SLC8A1: variants seen among roughly 807,000 people sequenced by gnomAD.
The protein encoded by SLC8A1 is sodium/calcium exchanger 1.
A neutral mutation model predicts 68.3 loss-of-function variants in SLC8A1; 18 were observed. That is an observed-to-expected ratio of 0.26 (90% CI 0.18 to 0.39). SLC8A1 has a LOEUF of 0.39. Among genes scored for constraint, SLC8A1 ranks in the 10% least tolerant of loss-of-function variants. The pLI is 1.00. For synonymous variants in SLC8A1, 475 were observed against 415.5 expected (o/e 1.14, Z -1.74); for missense variants, 985 against 1,156.7 (o/e 0.85, Z 2.15).
At chr2:40,454,923 A>T (rs1014767517), upstream of SLC8A1, among the ~76,000 whole-genome samples, 24 of 152,196 alleles carry the variant, frequency 1.6e-4, no homozygotes, top group African/African-American at 5.5e-4. Context: ...GAAAGAAGAC[A>T]TGTTGAATGG....
At chr2:40,465,980 T>C (rs1353316002) in intron 1 of SLC8A1, among the ~76,000 whole-genome samples, 1 of 152,132 alleles carries the variant, frequency 6.6e-6, no homozygotes, top group Non-Finnish European at 1.5e-5. Flanking sequence ...CTTGCCCTCC[T>C]GGCTTCTGCT....
At chr2:40,098,031 G>A (rs1002285194) in exon 8 of SLC8A1, 1 of 151,902 alleles carries the variant, frequency 6.6e-6, no homozygotes, top group Admixed American at 6.6e-5. Context: ...AACAGGCAGT[G>A]TAAATCACAT....
chr2:40,394,692 G>C (rs1262789341), intron 2 of SLC8A1, among the ~76,000 whole-genome samples: 1 of 151,902 alleles, frequency 6.6e-6, no homozygotes, highest in Non-Finnish European at 1.5e-5. Context: ...AACATGTATA[G>C]AGTGCCTGTT....
intron 2 of SLC8A1, among the ~76,000 whole-genome samples, chr2:40,249,572 A>G (rs1379248441): frequency 1.3e-5 from 2 of 152,228 alleles, no homozygotes; most frequent in Non-Finnish European, 2.9e-5. Flanking sequence ...TTCACACCAT[A>G]TTTAGAAGCA....
At chr2:40,384,100 T>A (rs565872351) in intron 2 of SLC8A1, among the ~76,000 whole-genome samples, 10,305 of 147,990 alleles carry the variant, frequency 0.07, 1,177 homozygotes, top group African/African-American at 0.24. Flanking sequence ...ATCTCTACAG[T>A]TTTTTTTTTT....
In SLC8A1 at chr2:40,166,189, C is replaced by A. The variant is rs142337622; in HGVS notation, c.1931-1205G>T. 9.9e-5 allele frequency among the ~76,000 whole-genome samples: 15 copies of A among 152,252 alleles called. No individual in the cohort carries two copies. In the South Asian group the frequency reaches 1.4e-3, roughly 15 times the overall value. On this transcript the variant is annotated intron_variant, in intron 4 of 7. Coordinates refer to ENST00000406785, the Ensembl canonical transcript of SLC8A1. ...ACCTCCAAAGACCCATGGCCTCCCC[C>A]CTGCTGAGGGACCACGCTATGGTGG...
intron 2 of SLC8A1, among the ~76,000 whole-genome samples, chr2:40,280,360 A>G (rs1462830123): frequency 4.6e-5 from 7 of 152,170 alleles, no homozygotes; most frequent in Non-Finnish European, 1.0e-4. Context: ...GAAAAGTAAC[A>G]AAAACCCATT....
intron 2 of SLC8A1, among the ~76,000 whole-genome samples, chr2:40,198,860 G>A (rs2053590933): frequency 1.3e-5 from 2 of 151,540 alleles, no homozygotes; most frequent in Non-Finnish European, 2.9e-5. Flanking sequence ...GCTGATACAG[G>A]GTTGAAGGGT....
At chr2:40,328,134 A>G (rs1385193351) in intron 2 of SLC8A1, among the ~76,000 whole-genome samples, 3 of 152,138 alleles carry the variant, frequency 2.0e-5, no homozygotes, top group African/African-American at 7.2e-5. Context: ...TGAGGTTTGG[A>G]TGAGTTGAGG....
chr2:40,113,956 T>C (rs1037521391), exon 8 of SLC8A1: 1 of 152,778 alleles, frequency 6.5e-6, no homozygotes, highest in Admixed American at 6.5e-5. Flanking sequence ...TAGAAATGAA[T>C]GTGCAGAACC....
rs537855794 is a variant in SLC8A1 at position 40,294,034 on chromosome 2, G to C, written c.1809-116179C>G. Among the ~76,000 whole-genome samples, 4 of 152,210 alleles carry C rather than the reference G, an allele frequency of 2.6e-5. No homozygotes were observed. In the South Asian group the frequency reaches 8.3e-4, roughly 32 times the overall value. On this transcript the variant is annotated intron_variant, in intron 2 of 7. Transcript: ENST00000406785. ...AGTTTAAAGTTTTCAATAAAGCTAT[G>C]AATGGTAAGAGGGAAACCAACTAGA...
intron 2 of SLC8A1, among the ~76,000 whole-genome samples, chr2:40,305,716 C>A (rs1294672658): frequency 6.6e-6 from 1 of 152,180 alleles, no homozygotes; most frequent in Non-Finnish European, 1.5e-5. Flanking sequence ...GCATCTACTT[C>A]ACTGACATAA....
chr2:40,473,796 G>C (rs879209105), intron 1 of SLC8A1, among the ~76,000 whole-genome samples: 5 of 152,202 alleles, frequency 3.3e-5, no homozygotes, highest in Middle Eastern at 3.4e-3. Context: ...ACACCCAGTG[G>C]TGGGGAACTC....
chr2:40,236,740 G>T (rs1301490082), intron 2 of SLC8A1, among the ~76,000 whole-genome samples: 2 of 152,116 alleles, frequency 1.3e-5, no homozygotes, highest in Admixed American at 6.5e-5. Context: ...CGCTGGTACT[G>T]GTTGTTCCTT....
At chr2:40,494,730 C>T (rs1354451947) in intron 1 of SLC8A1, among the ~76,000 whole-genome samples, 1 of 142,872 alleles carries the variant, frequency 7.0e-6, no homozygotes, top group South Asian at 2.2e-4. Context: ...TTCTTTTGCT[C>T]ATGCTCAGAA....
intron 2 of SLC8A1, among the ~76,000 whole-genome samples, chr2:40,283,603 C>T (rs1441645084): frequency 1.3e-5 from 2 of 152,150 alleles, no homozygotes; most frequent in Non-Finnish European, 2.9e-5. Flanking sequence ...AAAGGCAAAG[C>T]ACAAAGAGGA....
chr2:40,218,209 A>G (rs2057782211), intron 2 of SLC8A1, among the ~76,000 whole-genome samples: 2 of 152,186 alleles, frequency 1.3e-5, no homozygotes, highest in South Asian at 4.1e-4. Flanking sequence ...CCTGCTACCT[A>G]TTAAGGGCAC....
chr2:40,216,849 A>AT (rs1574199759), intron 2 of SLC8A1, among the ~76,000 whole-genome samples: 1 of 151,760 alleles, frequency 6.6e-6, no homozygotes, highest in African/African-American at 2.4e-5. Context: ...TGATGGGGTT[A>AT]TTTTTTTCTT....
intron 2 of SLC8A1, among the ~76,000 whole-genome samples, chr2:40,285,661 T>C (rs551650277): frequency 6.6e-6 from 1 of 152,284 alleles, no homozygotes; most frequent in Non-Finnish European, 1.5e-5. Flanking sequence ...CCAAGTTAAT[T>C]ACTCTCTTGG....
Sources: gnomAD v4.1 joint callset for allele counts (sites outside exome capture counted in the v4.1 genomes callset) on GRCh38, gnomAD v4.1.1 for gene constraint, MANE v1.5 for transcripts, NCBI Gene and HGNC (gene_info 2026-07-23, HGNC 2026-07-21) for gene names.